Variants in CTNND2 observed in about 807,000 individuals in gnomAD.
CTNND2 encodes the protein catenin delta-2.
In CTNND2, 22 loss-of-function variants were observed where a neutral mutation model predicts 144.4. The ratio of observed to expected loss-of-function variants is 0.15; its 90% CI spans 0.11 to 0.22. The LOEUF (loss-of-function observed/expected upper bound fraction) is 0.22. Ranked by LOEUF, CTNND2 falls within the 10% of genes least tolerant of loss-of-function variation. The pLI is 1.00. For synonymous variants in CTNND2, 751 were observed against 695.6 expected, an observed-to-expected ratio of 1.08 and a Z score of -1.25; for missense variants, 1,353 against 1,618.8, an observed-to-expected ratio of 0.84 and a Z score of 2.82.
At chr5:11,222,102 T>A (rs1197474813) in intron 10 of CTNND2, among the ~76,000 whole-genome samples, 1 of 152,162 alleles carries the variant, frequency 6.6e-6, no homozygotes, top group Non-Finnish European at 1.5e-5. Flanking sequence ...GGACTGACAT[T>A]CACACAGGTC....
intron 11 of CTNND2, among the ~76,000 whole-genome samples, chr5:11,184,535 G>A (rs562415610): frequency 3.9e-5 from 6 of 152,266 alleles, no homozygotes; most frequent in Non-Finnish European, 7.4e-5. Context: ...AGTGCTAACT[G>A]TGTTTGCTAT....
At chr5:11,710,740 C>T (rs563266680) in intron 2 of CTNND2, among the ~76,000 whole-genome samples, 27 of 152,262 alleles carry the variant, frequency 1.8e-4, no homozygotes, top group Non-Finnish European at 3.2e-4. Flanking sequence ...CTGCTGCCTT[C>T]ACAGCAGTTA....
chr5:11,246,605 T>C (rs1743030905), intron 9 of CTNND2, among the ~76,000 whole-genome samples: 2 of 151,582 alleles, frequency 1.3e-5, no homozygotes, highest in African/African-American at 4.9e-5. Context: ...TCTGTTGTTT[T>C]GGGCCACCCA....
At chr5:11,590,838 T>A (rs1581574892) in intron 2 of CTNND2, among the ~76,000 whole-genome samples, 2 of 152,378 alleles carry the variant, frequency 1.3e-5, no homozygotes, top group East Asian at 3.9e-4. Context: ...CACCCTTTGC[T>A]GACACCTTTC....
At chr5:11,206,553 G>C (rs1580586437) in intron 10 of CTNND2, among the ~76,000 whole-genome samples, 1 of 152,290 alleles carries the variant, frequency 6.6e-6, no homozygotes, top group East Asian at 1.9e-4. Flanking sequence ...ATTTTGAGCT[G>C]TCCTTGCAGA....
chr5:11,647,967 C>T (rs1466650659), intron 2 of CTNND2, among the ~76,000 whole-genome samples: 2 of 152,260 alleles, frequency 1.3e-5, no homozygotes, highest in East Asian at 3.9e-4. Flanking sequence ...AAGGAGCAGG[C>T]TTGCTTGGCT....
chr5:11,847,961 T>TG (rs1794824367), intron 1 of CTNND2, among the ~76,000 whole-genome samples: 1 of 152,062 alleles, frequency 6.6e-6, no homozygotes, highest in East Asian at 1.9e-4. Flanking sequence ...TGTTAAAAAC[T>TG]GGACGGCGTT....
chr5:11,395,008 T>C (rs1759958313), intron 6 of CTNND2, among the ~76,000 whole-genome samples: 2 of 152,254 alleles, frequency 1.3e-5, no homozygotes, highest in African/African-American at 2.4e-5. Flanking sequence ...TGTGGCAATT[T>C]ATTATTACAG....
chr5:11,355,061 C>T (rs1299978111), intron 8 of CTNND2, among the ~76,000 whole-genome samples: 1 of 152,094 alleles, frequency 6.6e-6, no homozygotes, highest in East Asian at 1.9e-4. Flanking sequence ...GATGGAAACA[C>T]ATCCTACCAA....
At chr5:11,415,954 C>A (rs1761903986) in intron 3 of CTNND2, among the ~76,000 whole-genome samples, 1 of 152,024 alleles carries the variant, frequency 6.6e-6, no homozygotes, top group Admixed American at 6.6e-5. Flanking sequence ...TTCTGCCAAC[C>A]CACAGAGAAC....
At chr5:11,042,213 T>C (rs1464568506) in intron 16 of CTNND2, among the ~76,000 whole-genome samples, 1 of 152,192 alleles carries the variant, frequency 6.6e-6, no homozygotes, top group African/African-American at 2.4e-5. Flanking sequence ...CCACAGAAGC[T>C]GTAATTTCAC....
intron 9 of CTNND2, among the ~76,000 whole-genome samples, chr5:11,299,520 G>A (rs887237316): frequency 2.6e-5 from 4 of 152,082 alleles, no homozygotes; most frequent in Non-Finnish European, 5.9e-5. Flanking sequence ...AGCCTCTCCC[G>A]TTCCCACCTC....
chr5:11,764,733 T>C (rs1447654826), intron 1 of CTNND2, among the ~76,000 whole-genome samples: 2 of 152,180 alleles, frequency 1.3e-5, no homozygotes, highest in African/African-American at 4.8e-5. Flanking sequence ...GTTCTAGCAA[T>C]GCCATTAGTT....
intron 2 of CTNND2, among the ~76,000 whole-genome samples, chr5:11,665,020 G>A (rs183591000): frequency 7.9e-5 from 12 of 152,244 alleles, no homozygotes; most frequent in Admixed American, 3.3e-4. Flanking sequence ...TCCATTACTC[G>A]AGTTGCCAGC....
At chr5:11,213,484 T>C (rs1430131673) in intron 10 of CTNND2, among the ~76,000 whole-genome samples, 1 of 152,214 alleles carries the variant, frequency 6.6e-6, no homozygotes, top group East Asian at 1.9e-4. Context: ...ATATGATTTA[T>C]TTAATGGTGC....
chr5:10,996,574 C>T (rs115237333), intron 18 of CTNND2, among the ~76,000 whole-genome samples: 2,276 of 152,110 alleles, frequency 0.015, 59 homozygotes, highest in African/African-American at 0.052. Flanking sequence ...GTTTGCGAAA[C>T]GGACACAGGG....
At chr5:11,891,428 G>A (rs1228422664) in intron 1 of CTNND2, among the ~76,000 whole-genome samples, 3 of 152,118 alleles carry the variant, frequency 2.0e-5, no homozygotes, top group South Asian at 4.1e-4. Context: ...TTCATCCTGT[G>A]GTCTCTGTTA....
At chr5:11,723,533 C>T (rs917363128) in intron 2 of CTNND2, among the ~76,000 whole-genome samples, 3 of 152,116 alleles carry the variant, frequency 2.0e-5, no homozygotes, top group African/African-American at 7.2e-5. Flanking sequence ...GACCCCTGCA[C>T]CATAAAAGTG....
chr5:11,738,159 C>A (rs1787799223), intron 1 of CTNND2, among the ~76,000 whole-genome samples: 1 of 152,126 alleles, frequency 6.6e-6, no homozygotes, highest in African/African-American at 2.4e-5. Context: ...GGCATGTGTC[C>A]CAACATTGCT....
Sources: gnomAD v4.1 joint callset for allele counts (sites outside exome capture counted in the v4.1 genomes callset) on GRCh38, gnomAD v4.1.1 for gene constraint, MANE v1.5 for transcripts, NCBI Gene and HGNC (gene_info 2026-07-23, HGNC 2026-07-21) for gene names.